The following CCDC178 variants were observed in gnomAD, a reference collection of about 807,000 sequenced individuals.
CCDC178 encodes the protein coiled-coil domain-containing protein 178.
Under a neutral mutation model 117.4 loss-of-function variants are expected in CCDC178, and 126 were observed. The ratio of observed to expected loss-of-function variants is 1.07; its 90% CI spans 0.93 to 1.24. CCDC178 has a LOEUF of 1.24. Among genes scored for constraint, CCDC178 ranks in the 50% most tolerant of loss-of-function variants. CCDC178 has a pLI of 0.00. For synonymous variants in CCDC178, 283 were observed against 313.4 expected, an observed-to-expected ratio of 0.90 and a Z score of 1.02; for missense variants, 1,030 against 986.9, an observed-to-expected ratio of 1.04 and a Z score of -0.59.
At chr18:33,338,428 T>C (rs1480646507) in intron 9 of CCDC178, among the ~76,000 whole-genome samples, 1 of 152,024 alleles carries the variant, frequency 6.6e-6, no homozygotes, top group Non-Finnish European at 1.5e-5. Flanking sequence ...AAAAGAAGTA[T>C]ATGAAAAAGA....
chr18:33,058,250 G>A (rs2056863451), intron 21 of CCDC178, among the ~76,000 whole-genome samples: 1 of 152,154 alleles, frequency 6.6e-6, no homozygotes, highest in Admixed American at 6.5e-5. Context: ...CAACATAAAT[G>A]TCCATCACCT....
At chr18:33,332,638 C>A (rs1183712786) in intron 10 of CCDC178, among the ~76,000 whole-genome samples, 1 of 152,042 alleles carries the variant, frequency 6.6e-6, no homozygotes, top group Non-Finnish European at 1.5e-5. Flanking sequence ...TGCAGTGGCA[C>A]AGTCATGGAT....
At chr18:33,383,690 C>A (rs193008123) in intron 5 of CCDC178, among the ~76,000 whole-genome samples, 8 of 152,176 alleles carry the variant, frequency 5.3e-5, no homozygotes, top group African/African-American at 9.6e-5. Flanking sequence ...AAAGACCCCA[C>A]AAAATCCCCA....
intron 5 of CCDC178, among the ~76,000 whole-genome samples, chr18:33,373,081 A>C (rs1352809459): frequency 6.6e-6 from 1 of 152,190 alleles, no homozygotes; most frequent in East Asian, 1.9e-4. Context: ...TTCATGATGA[A>C]CATAAAGCAT....
intron 21 of CCDC178, among the ~76,000 whole-genome samples, chr18:33,011,887 G>A (rs987249175): frequency 6.7e-6 from 1 of 150,006 alleles, no homozygotes; most frequent in Non-Finnish European, 1.5e-5. Flanking sequence ...ACGGTGGGCT[G>A]CAGTGATCGG....
chr18:33,338,851 G>A (rs1207846569), intron 9 of CCDC178, among the ~76,000 whole-genome samples: 1 of 151,968 alleles, frequency 6.6e-6, no homozygotes, highest in Non-Finnish European at 1.5e-5. Flanking sequence ...ACTTATTCAT[G>A]TAACCCAACA....
intron 3 of CCDC178, among the ~76,000 whole-genome samples, chr18:33,406,277 C>T (rs1282963978): frequency 1.3e-5 from 2 of 151,930 alleles, no homozygotes; most frequent in African/African-American, 4.8e-5. Flanking sequence ...GTATACATCA[C>T]ACAAAGTGAT....
chr18:33,310,426 T>A (rs376174920), intron 11 of CCDC178, among the ~76,000 whole-genome samples: 8 of 152,198 alleles, frequency 5.3e-5, no homozygotes, highest in African/African-American at 1.9e-4. Context: ...CCACTGTATA[T>A]CACACCTGTA....
chr18:33,248,131 T>C (rs1472842182), intron 14 of CCDC178, among the ~76,000 whole-genome samples: 3 of 151,928 alleles, frequency 2.0e-5, no homozygotes, highest in African/African-American at 4.8e-5. Flanking sequence ...ATGTAATAAA[T>C]GCCAAAAGAA....
intron 7 of CCDC178, among the ~76,000 whole-genome samples, chr18:33,351,762 AG>A (rs1487436879): frequency 1.3e-5 from 2 of 151,910 alleles, no homozygotes; most frequent in Non-Finnish European, 2.9e-5. Flanking sequence ...TATGTTGCCT[AG>A]GCTTGTCTCA....
At chr18:33,150,387 G>A (rs756449765) in intron 20 of CCDC178, among the ~76,000 whole-genome samples, 41 of 151,866 alleles carry the variant, frequency 2.7e-4, no homozygotes, top group Non-Finnish European at 4.9e-4. Context: ...TAAATAATTG[G>A]GACCTAATTA....
intron 20 of CCDC178, among the ~76,000 whole-genome samples, chr18:33,106,825 T>C (rs536643789): frequency 1.3e-5 from 2 of 151,664 alleles, no homozygotes; most frequent in South Asian, 2.1e-4. Context: ...GCAGGAGAAA[T>C]TTAAAATATG....
chr18:33,284,413 A>T (rs961623124), intron 12 of CCDC178, among the ~76,000 whole-genome samples: 24 of 152,208 alleles, frequency 1.6e-4, no homozygotes, highest in African/African-American at 5.1e-4. Context: ...AGAAACTCTA[A>T]AGCTTTTAAA....
At chr18:33,196,524 G>T (rs189757141) in intron 20 of CCDC178, among the ~76,000 whole-genome samples, 17 of 152,148 alleles carry the variant, frequency 1.1e-4, no homozygotes, top group African/African-American at 4.1e-4. Context: ...GAACCTCAGG[G>T]TACTTGTGGG....
chr18:33,173,780 T>G (rs2058632484), intron 20 of CCDC178, among the ~76,000 whole-genome samples: 1 of 152,214 alleles, frequency 6.6e-6, no homozygotes, highest in South Asian at 2.1e-4. Context: ...CTCTCTTCAG[T>G]GTGTCCTGGG....
At chr18:33,195,476 A>G (rs1257455064) in intron 20 of CCDC178, among the ~76,000 whole-genome samples, 2 of 152,064 alleles carry the variant, frequency 1.3e-5, no homozygotes, top group African/African-American at 4.8e-5. Context: ...AAAACAACCT[A>G]CGAACCTTAA....
At chr18:33,015,263 GAA>G (rs201400818) in intron 21 of CCDC178, among the ~76,000 whole-genome samples, 7 of 84,566 alleles carry the variant, frequency 8.3e-5, no homozygotes, top group South Asian at 3.4e-4. Context: ...TTCAAAAGAA[GAA>G]AAAAAAAAAA....
intron 20 of CCDC178, among the ~76,000 whole-genome samples, chr18:33,170,872 T>TATA: frequency 6.6e-6 from 1 of 152,198 alleles, no homozygotes; most frequent in South Asian, 2.1e-4. Flanking sequence ...TGGCCATTCT[T>TATA]ATAACAACTT....
At chr18:33,405,027 T>C (rs949812891) in intron 3 of CCDC178, among the ~76,000 whole-genome samples, 2 of 152,074 alleles carry the variant, frequency 1.3e-5, no homozygotes, top group South Asian at 2.1e-4. Flanking sequence ...GTTCTAGAAA[T>C]AGATAGTGGT....
Sources: gnomAD v4.1 joint callset for allele counts (sites outside exome capture counted in the v4.1 genomes callset) on GRCh38, gnomAD v4.1.1 for gene constraint, MANE v1.5 for transcripts, NCBI Gene and HGNC (gene_info 2026-07-23, HGNC 2026-07-21) for gene names.